ASIC2: variants seen among roughly 807,000 people sequenced by gnomAD.
ASIC2 encodes acid sensing ion channel subunit 2.
A neutral mutation model predicts 57.3 loss-of-function variants in ASIC2; 25 were observed. That is an observed-to-expected ratio of 0.44 (90% CI 0.32 to 0.61). The LOEUF (loss-of-function observed/expected upper bound fraction) is 0.61. Among genes scored for constraint, ASIC2 ranks in the 20% least tolerant of loss-of-function variants. The pLI is 0.06. For synonymous variants in ASIC2, 319 were observed against 307.5 expected (o/e 1.04, Z -0.39); for missense variants, 641 against 738.1 (o/e 0.87, Z 1.52).
intron 2 of ASIC2, among the ~76,000 whole-genome samples, chr17:33,090,440 T>C (rs1162832576): frequency 6.6e-6 from 1 of 152,186 alleles, no homozygotes; most frequent in Non-Finnish European, 1.5e-5. Context: ...AGATGCCTAA[T>C]GAATGAATAA....
At chr17:33,749,952 C>T (rs1910378996) in intron 1 of ASIC2, among the ~76,000 whole-genome samples, 1 of 152,170 alleles carries the variant, frequency 6.6e-6, no homozygotes, top group South Asian at 2.1e-4. Context: ...CCCCCCATGC[C>T]ATCTTCTGCC....
At chr17:33,857,178 C>A (rs141936843) in intron 1 of ASIC2, among the ~76,000 whole-genome samples, 4 of 152,298 alleles carry the variant, frequency 2.6e-5, no homozygotes, top group Non-Finnish European at 5.9e-5. Context: ...CCCATGCCCT[C>A]GGCCCCTTTC....
At chr17:33,590,326 T>C (rs1250754484) in intron 1 of ASIC2, among the ~76,000 whole-genome samples, 1 of 152,184 alleles carries the variant, frequency 6.6e-6, no homozygotes, top group South Asian at 2.1e-4. Flanking sequence ...GCCATAGCTG[T>C]TGCTATTGTC....
chr17:33,839,423 A>G (rs1003950953), intron 1 of ASIC2, among the ~76,000 whole-genome samples: 2 of 152,250 alleles, frequency 1.3e-5, no homozygotes, highest in Non-Finnish European at 2.9e-5. Flanking sequence ...TGCATTAATT[A>G]ATTCAAGCAA....
intron 1 of ASIC2, among the ~76,000 whole-genome samples, chr17:33,277,249 G>A (rs573102917): frequency 6.6e-6 from 1 of 152,292 alleles, no homozygotes; most frequent in South Asian, 2.1e-4. Flanking sequence ...ACTTCCCCTG[G>A]GAGGTGACAC....
intron 1 of ASIC2, among the ~76,000 whole-genome samples, chr17:34,034,712 C>T (rs1371518149): frequency 6.6e-6 from 1 of 152,140 alleles, no homozygotes; most frequent in Non-Finnish European, 1.5e-5. Flanking sequence ...TTCTTATACA[C>T]CAATAACAGA....
At chr17:33,969,101 CATA>C (rs1473107977) in intron 1 of ASIC2, among the ~76,000 whole-genome samples, 87 of 152,230 alleles carry the variant, frequency 5.7e-4, no homozygotes, top group African/African-American at 2.0e-3. Flanking sequence ...TCTGTATTTG[CATA>C]AGACTCTCCA....
At chr17:33,878,270 C>T (rs562572554) in intron 1 of ASIC2, among the ~76,000 whole-genome samples, 2 of 152,290 alleles carry the variant, frequency 1.3e-5, no homozygotes, top group Admixed American at 1.3e-4. Flanking sequence ...ATGACTTTGA[C>T]AAGTTGAGAG....
intron 1 of ASIC2, among the ~76,000 whole-genome samples, chr17:33,585,528 A>G (rs1293023547): frequency 2.0e-5 from 3 of 152,162 alleles, no homozygotes; most frequent in Admixed American, 1.3e-4. Flanking sequence ...TGGAGAAAGG[A>G]CTGTTTTTGT....
chr17:34,027,585 T>TA (rs1490594026), intron 1 of ASIC2, among the ~76,000 whole-genome samples: 1 of 152,250 alleles, frequency 6.6e-6, no homozygotes, highest in Non-Finnish European at 1.5e-5. Context: ...TCAGTTCAGA[T>TA]ACAACTTCTT....
At chr17:33,360,827 G>A (rs1908573777) in intron 1 of ASIC2, among the ~76,000 whole-genome samples, 2 of 152,150 alleles carry the variant, frequency 1.3e-5, no homozygotes, top group Non-Finnish European at 2.9e-5. Flanking sequence ...GCCACATGGA[G>A]CCCTAACTAG....
At chr17:33,286,065 G>C (rs1297070881) in intron 1 of ASIC2, among the ~76,000 whole-genome samples, 1 of 152,164 alleles carries the variant, frequency 6.6e-6, no homozygotes, top group Non-Finnish European at 1.5e-5. Flanking sequence ...ATTCCCTAAA[G>C]CTATCCATCC....
At chr17:33,278,156 G>T (rs1243051922) in intron 1 of ASIC2, among the ~76,000 whole-genome samples, 1 of 150,798 alleles carries the variant, frequency 6.6e-6, no homozygotes, top group East Asian at 1.9e-4. Context: ...CTGCTCCCTG[G>T]CTTCAGGCAG....
chr17:33,101,202 C>T (rs8075873), intron 2 of ASIC2, among the ~76,000 whole-genome samples: 1,608 of 152,264 alleles, frequency 0.011, 30 homozygotes, highest in African/African-American at 0.036. Context: ...GCAGAGATGT[C>T]GGAGAAACCA....
At chr17:33,839,523 G>T (rs939247124) in intron 1 of ASIC2, among the ~76,000 whole-genome samples, 1 of 152,142 alleles carries the variant, frequency 6.6e-6, no homozygotes, top group Non-Finnish European at 1.5e-5. Context: ...TAATTCTGGG[G>T]CTGGGACTCT....
At chr17:33,433,223 A>G (rs1325755959) in intron 1 of ASIC2, among the ~76,000 whole-genome samples, 1 of 152,208 alleles carries the variant, frequency 6.6e-6, no homozygotes, top group African/African-American at 2.4e-5. Flanking sequence ...TGTAGCCATT[A>G]AAAAAATGAG....
At chr17:33,058,060 T>C (rs1394156295) in intron 3 of ASIC2, among the ~76,000 whole-genome samples, 1 of 152,174 alleles carries the variant, frequency 6.6e-6, no homozygotes, top group African/African-American at 2.4e-5. Flanking sequence ...AAAAGGTATG[T>C]ATGCCAGATG....
At chr17:33,747,324 C>T (rs1007046736) in intron 1 of ASIC2, among the ~76,000 whole-genome samples, 15 of 148,018 alleles carry the variant, frequency 1.0e-4, no homozygotes, top group Middle Eastern at 3.5e-3. Flanking sequence ...TGTGGGCTTA[C>T]GTGATCCTCC....
intron 3 of ASIC2, among the ~76,000 whole-genome samples, chr17:33,080,520 C>T (rs566653467): frequency 1.1e-4 from 16 of 152,096 alleles, no homozygotes; most frequent in African/African-American, 3.9e-4. Context: ...ATAGTACCCA[C>T]CCCATATGTA....
Sources: allele counts gnomAD v4.1 joint callset (sites outside exome capture counted in the v4.1 genomes callset), GRCh38; gene constraint gnomAD v4.1.1; transcripts MANE v1.5; gene names NCBI Gene and HGNC (gene_info 2026-07-23, HGNC 2026-07-21).